The following PLEKHG7 variants were observed in gnomAD, a reference collection of about 807,000 sequenced individuals.
PLEKHG7 encodes pleckstrin homology domain-containing family G member 7.
PLEKHG7 carries 77 observed loss-of-function variants against 85.2 expected under a neutral mutation model. The observed-to-expected ratio is 0.90, with a 90% CI of 0.75 to 1.09. The LOEUF (loss-of-function observed/expected upper bound fraction) is 1.09. Among genes scored for constraint, PLEKHG7 ranks in the 50% least tolerant of loss-of-function variants. The probability of loss-of-function intolerance (pLI) is 0.00; values close to 1 mark genes in which losing one functional copy is unlikely to be tolerated. For synonymous variants in PLEKHG7, 301 were observed against 302.4 expected (o/e 1.00, Z 0.05); for missense variants, 777 against 804.3 (o/e 0.97, Z 0.41).
At chr12:92,767,232 A>C (rs969949591) in intron 15 of PLEKHG7, among the ~76,000 whole-genome samples, 1 of 152,240 alleles carries the variant, frequency 6.6e-6, no homozygotes, top group African/African-American at 2.4e-5. Flanking sequence ...CAGTAAAAAA[A>C]GAGCTATTCT....
chr12:92,750,137 G>A (rs1223186781), intron 10 of PLEKHG7, among the ~76,000 whole-genome samples: 1 of 151,342 alleles, frequency 6.6e-6, no homozygotes, highest in Non-Finnish European at 1.5e-5. Context: ...TCAAGCGACA[G>A]GACATATTTT....
At chr12:92,742,646 T>A (rs1872399039) in intron 9 of PLEKHG7, among the ~76,000 whole-genome samples, 1 of 151,062 alleles carries the variant, frequency 6.6e-6, no homozygotes, top group Non-Finnish European at 1.5e-5. Flanking sequence ...AGTGCAGTAG[T>A]GCGACTTCAG....
chr12:92,718,352 G>A (rs10859367), intron 3 of PLEKHG7, among the ~76,000 whole-genome samples: 72,668 of 151,990 alleles, frequency 0.48, 18,387 homozygotes, highest in East Asian at 0.89. Flanking sequence ...AAGTAATTAC[G>A]GGTTTTGCCA....
intron 3 of PLEKHG7, among the ~76,000 whole-genome samples, chr12:92,716,123 G>A (rs1164881879): frequency 6.6e-6 from 1 of 151,176 alleles, no homozygotes; most frequent in Non-Finnish European, 1.5e-5. Flanking sequence ...TTGAGACAGA[G>A]TCTTGCTCTG....
chr12:92,709,021 T>C (rs577119449), intron 3 of PLEKHG7, among the ~76,000 whole-genome samples: 4 of 152,294 alleles, frequency 2.6e-5, no homozygotes, highest in East Asian at 1.9e-4. Flanking sequence ...AAAAAAATTA[T>C]GTTTAGAGTC....
chr12:92,766,823 C>T (rs936405597), intron 15 of PLEKHG7, among the ~76,000 whole-genome samples: 1 of 152,206 alleles, frequency 6.6e-6, no homozygotes, highest in Non-Finnish European at 1.5e-5. Context: ...GAGTGAGACT[C>T]TGTCTCAAAA....
chr12:92,724,762 T>G (rs1871748716), intron 3 of PLEKHG7, among the ~76,000 whole-genome samples: 3 of 152,168 alleles, frequency 2.0e-5, no homozygotes, highest in Admixed American at 6.6e-5. Flanking sequence ...ATTCACATGC[T>G]TGAGCCTCCA....
Position 92,756,422 on chromosome 12 carries a change from C to A in PLEKHG7, c.1636+31C>A, listed in dbSNP as rs763036728. Reference sequence around the variant, plus strand: ...TAACTGCTTCCTTTAAAAAACCCAACATCTGTGCCGCCTTGTAACTTGTTT... The same window carrying A: ...TAACTGCTTCCTTTAAAAAACCCAAAATCTGTGCCGCCTTGTAACTTGTTT... On this transcript the variant is annotated intron_variant, in intron 13 of 16. Coordinates refer to ENST00000344636, the MANE Select transcript of PLEKHG7 (RefSeq NM_001377329.1). The A allele has an allele frequency of 8.0e-6, 12 of 1,505,198 alleles. No homozygotes were observed. In the Middle Eastern group the frequency reaches 8.5e-4, roughly 107 times the overall value. The allele number at this position is 1,505,198 out of a possible 1,614,324, so 93.2% of individuals were successfully genotyped here. A position where few individuals can be genotyped will look rare whatever the true frequency, so the allele number is the denominator to read the frequency against.
At chr12:92,745,409 A>G in intron 9 of PLEKHG7, 69 bp from the exon 10 acceptor site, 1 of 1,059,900 alleles carries the variant, frequency 9.4e-7, no homozygotes, top group Non-Finnish European at 1.4e-6. Context: ...GTGAGGAGAA[A>G]CACTCTTTCA....
chr12:92,770,010 TATTAGCCCAA>T, intron 16 of PLEKHG7, 68 bp from the exon 17 acceptor site: 1 of 940,620 alleles, frequency 1.1e-6, no homozygotes, highest in South Asian at 1.6e-5. Context: ...TAGCAGAAAA[TATTAGCCCAA>T]ATATGTGAGA....
At chr12:92,708,023 A>T (rs910909918) in intron 3 of PLEKHG7, 4 of 304,750 alleles carry the variant, frequency 1.3e-5, no homozygotes, top group African/African-American at 2.1e-5. Context: ...TTCAAAGAAA[A>T]ATTTGGAGGA....
At chr12:92,719,663 C>A (rs551965041) in intron 3 of PLEKHG7, among the ~76,000 whole-genome samples, 2 of 152,242 alleles carry the variant, frequency 1.3e-5, no homozygotes, top group Admixed American at 1.3e-4. Context: ...TATTCTCTAG[C>A]CTTTGTTATT....
rs369315774 is a variant in PLEKHG7, at chr12:92,761,882, G to A, written c.1716+51G>A. The A allele has an allele frequency of 5.7e-5, 84 of 1,482,940 alleles. No individual in the cohort carries two copies. In the African/African-American group the frequency reaches 1.1e-3, roughly 19 times the overall value. The allele number at this position is 1,482,940 out of a possible 1,614,324, so 91.9% of individuals were successfully genotyped here. On this transcript the variant is annotated intron_variant, in intron 14 of 16. Transcript: ENST00000344636. ...GTTTCTAAACAAGTTTGCTAAATGAGTTTAGAAATATTTCTAAATAAACTG... is the reference window on the plus strand; with the variant it reads ...GTTTCTAAACAAGTTTGCTAAATGAATTTAGAAATATTTCTAAATAAACTG...
chr12:92,710,746 C>G (rs1871352832), intron 3 of PLEKHG7, among the ~76,000 whole-genome samples: 1 of 152,160 alleles, frequency 6.6e-6, no homozygotes, highest in South Asian at 2.1e-4. Flanking sequence ...GAGTGGAAGT[C>G]CACTTTACTG....
chr12:92,714,304 G>A (rs1871424515), intron 3 of PLEKHG7, among the ~76,000 whole-genome samples: 1 of 152,186 alleles, frequency 6.6e-6, no homozygotes. Flanking sequence ...CCACTACTGG[G>A]GATGGGGAAG....
chr12:92,719,534 G>A (rs529758145), intron 3 of PLEKHG7, among the ~76,000 whole-genome samples: 77 of 152,182 alleles, frequency 5.1e-4, no homozygotes, highest in African/African-American at 1.8e-3. Context: ...AAAAATCACT[G>A]GGCAACATTC....
chr12:92,765,788 T>C (rs967835113), intron 15 of PLEKHG7, among the ~76,000 whole-genome samples: 3 of 152,062 alleles, frequency 2.0e-5, no homozygotes, highest in Non-Finnish European at 4.4e-5. Flanking sequence ...TGAGACCCTG[T>C]CTCTAAAAAT....
chr12:92,720,797 G>C (rs1358707242), intron 3 of PLEKHG7, among the ~76,000 whole-genome samples: 1 of 152,074 alleles, frequency 6.6e-6, no homozygotes, highest in Non-Finnish European at 1.5e-5. Context: ...ATCACTTTTG[G>C]GGGGGCCACC....
Position 92,740,893 on chromosome 12 carries a change from A to C in PLEKHG7, c.980A>C (p.Tyr327Ser), listed in dbSNP as rs1269804203. The change falls in exon 8 of 17, where the codon TAT becomes TCT. Residue 327 changes from tyrosine (Y) to serine (S), a missense_variant. Coordinates refer to ENST00000344636, the MANE Select transcript of PLEKHG7 (RefSeq NM_001377329.1). ...NTLRYLQTHEYLLDVDLWRLF... is the reference protein window; with the variant it reads ...NTLRYLQTHESLLDVDLWRLF... ...CTAAGATATCTGCAAACTCATGAAT[A>C]TCTCCTAGATGTGGATTTATGGAGA... 1 of 1,611,954 alleles carries C rather than the reference A, an allele frequency of 6.2e-7. No homozygotes were observed. The highest frequency in any genetic ancestry group is 8.5e-7 in the Non-Finnish European group (1 of 1,178,622).
Sources: allele counts gnomAD v4.1 joint callset (sites outside exome capture counted in the v4.1 genomes callset), GRCh38; gene constraint gnomAD v4.1.1; transcripts MANE v1.5; gene names NCBI Gene and HGNC (gene_info 2026-07-23, HGNC 2026-07-21).